COL24A1: variants seen among roughly 807,000 people sequenced by gnomAD.
COL24A1 encodes collagen type XXIV alpha 1 chain, also known as collagen alpha-1(XXIV) chain.
Under a neutral mutation model 253.9 loss-of-function variants are expected in COL24A1, and 224 were observed. The ratio of observed to expected loss-of-function variants is 0.88; its 90% CI spans 0.79 to 0.99. The LOEUF (loss-of-function observed/expected upper bound fraction) is 0.99, where lower values mean the gene tolerates loss of function less well. Among genes scored for constraint, COL24A1 ranks in the 50% least tolerant of loss-of-function variants. The pLI, the probability that COL24A1 is intolerant of heterozygous loss-of-function variation, is 0.00. For synonymous variants in COL24A1, 685 were observed against 673.7 expected (o/e 1.02, Z -0.26); for missense variants, 2,131 against 2,068.5 (o/e 1.03, Z -0.59).
At chr1:86,095,851 T>A (rs1703855841) in intron 5 of COL24A1, among the ~76,000 whole-genome samples, 1 of 152,090 alleles carries the variant, frequency 6.6e-6, no homozygotes, top group Non-Finnish European at 1.5e-5. Context: ...CCCACTGATC[T>A]GCTAGAGTTT....
At chr1:85,957,687 T>A (rs941009461) in intron 24 of COL24A1, among the ~76,000 whole-genome samples, 1 of 152,216 alleles carries the variant, frequency 6.6e-6, no homozygotes, top group Non-Finnish European at 1.5e-5. Flanking sequence ...ATCTTTCTCA[T>A]TCATATAGAC....
intron 24 of COL24A1, among the ~76,000 whole-genome samples, chr1:85,921,207 T>G (rs550405401): frequency 6.6e-6 from 1 of 152,184 alleles, no homozygotes; most frequent in Non-Finnish European, 1.5e-5. Context: ...AGAATACACC[T>G]GGAAAATCGG....
chr1:85,896,837 A>C (rs1487323273), intron 28 of COL24A1, among the ~76,000 whole-genome samples: 1 of 152,210 alleles, frequency 6.6e-6, no homozygotes, highest in Non-Finnish European at 1.5e-5. Context: ...ACAACAGAAA[A>C]TAATACAGCT....
intron 42 of COL24A1, 77 bp from the exon 43 acceptor site, chr1:85,838,715 G>C: frequency 7.5e-7 from 1 of 1,336,560 alleles, no homozygotes; most frequent in East Asian, 2.3e-5. Flanking sequence ...TAAGATTAGT[G>C]TTGTTTATTC....
chr1:85,983,445 G>C (rs959086438), intron 20 of COL24A1, among the ~76,000 whole-genome samples: 5 of 151,872 alleles, frequency 3.3e-5, no homozygotes, highest in African/African-American at 1.2e-4. Context: ...TTCCTACTTT[G>C]AGGTTTTTAG....
chr1:85,841,824 G>C (rs1676644600), intron 41 of COL24A1, among the ~76,000 whole-genome samples: 1 of 151,974 alleles, frequency 6.6e-6, no homozygotes. Flanking sequence ...CTCTTACAAA[G>C]CTCTACAAAT....
chr1:85,737,848 GC>G (rs5775864), intron 57 of COL24A1, among the ~76,000 whole-genome samples: 60,583 of 152,024 alleles, frequency 0.4, 13,350 homozygotes, highest in South Asian at 0.57. Context: ...ACAGGCGTGA[GC>G]CACTGTGCCC....
At chr1:86,019,394 ATT>A (rs60247166) in intron 18 of COL24A1, among the ~76,000 whole-genome samples, 1,932 of 147,872 alleles carry the variant, frequency 0.013, 51 homozygotes, top group African/African-American at 0.045. Context: ...GGTTTCTACA[ATT>A]TTTTTTTTTT....
intron 7 of COL24A1, among the ~76,000 whole-genome samples, chr1:86,067,398 A>C (rs1437905616): frequency 1.3e-5 from 2 of 152,190 alleles, no homozygotes; most frequent in East Asian, 1.9e-4. Flanking sequence ...GAAAAAGCTT[A>C]AGCTTAATTT....
intron 40 of COL24A1, 47 bp from the exon 41 acceptor site, chr1:85,842,168 A>G: frequency 1.3e-6 from 2 of 1,560,006 alleles, no homozygotes; most frequent in Non-Finnish European, 1.8e-6. Context: ...CCTAGATATT[A>G]GATATTGCAT....
intron 19 of COL24A1, among the ~76,000 whole-genome samples, chr1:85,989,387 T>A (rs1694019395): frequency 6.6e-6 from 1 of 151,840 alleles, no homozygotes; most frequent in Non-Finnish European, 1.5e-5. Flanking sequence ...ACCACGACCA[T>A]CTTCCAATCA....
intron 10 of COL24A1, among the ~76,000 whole-genome samples, chr1:86,055,870 C>T (rs961819313): frequency 2.0e-5 from 3 of 152,090 alleles, no homozygotes; most frequent in African/African-American, 7.2e-5. Flanking sequence ...CACCTGTAAT[C>T]CCAGCACTTT....
At position 86,125,702 on chromosome 1, in the gene COL24A1, AATT is replaced by A; in HGVS notation, c.631_633del (p.Asn211del). ...CATACTATTCCTTCAAAATGGATAG[AATT>A]ATTATTCATACTTCCTAAAGTAAAC... On this transcript the variant is annotated inframe_deletion, in exon 3 of 60. Transcript: ENST00000370571. The A allele has an allele frequency of 6.2e-7, 1 of 1,610,684 alleles. No individual in the cohort carries two copies. Among genetic ancestry groups the A allele is most frequent in the Non-Finnish European group, 8.5e-7 (1 of 1,177,924 alleles).
chr1:85,849,466 T>C (rs1459788695), intron 37 of COL24A1, 60 bp from the exon 38 acceptor site: 4 of 1,228,014 alleles, frequency 3.3e-6, no homozygotes, highest in East Asian at 2.4e-5. Context: ...GATGGAGTAT[T>C]TGAATACTTC....
At chr1:85,948,227 A>T (rs1448805912) in intron 24 of COL24A1, among the ~76,000 whole-genome samples, 6 of 152,180 alleles carry the variant, frequency 3.9e-5, no homozygotes, top group Non-Finnish European at 8.8e-5. Context: ...CTTTTTGGTA[A>T]CTAAAGAAAC....
intron 43 of COL24A1, among the ~76,000 whole-genome samples, chr1:85,830,794 G>A (rs573548989): frequency 2.1e-4 from 32 of 152,182 alleles, no homozygotes; most frequent in Middle Eastern, 3.4e-3. Flanking sequence ...CGCACAGTGC[G>A]TGCACCCACT....
intron 5 of COL24A1, among the ~76,000 whole-genome samples, chr1:86,111,775 G>C (rs147934213): frequency 6.6e-6 from 1 of 152,086 alleles, no homozygotes; most frequent in Admixed American, 6.5e-5. Context: ...GCGAGACCAC[G>C]AACCCACCGG....
At chr1:85,953,276 T>C (rs964652145) in intron 24 of COL24A1, among the ~76,000 whole-genome samples, 1 of 152,174 alleles carries the variant, frequency 6.6e-6, no homozygotes, top group East Asian at 1.9e-4. Context: ...TATAGAAAGT[T>C]AGAGCTGCCA....
rs183826892 is a variant in COL24A1, at chr1:85,852,808, G to T, written c.3301-3402C>A. 7.0e-3 allele frequency among the ~76,000 whole-genome samples: 1,064 copies of T among 152,064 alleles called. 12 individuals are homozygous for T. Among genetic ancestry groups the T allele is most frequent in the African/African-American group, 0.024 (1,013 of 41,490 alleles). ...GTGAAAAAGAATGGAACCTATTTTTGTATATTACTTTTATTTATTTATTTA... is the reference window on the plus strand; with the variant it reads ...GTGAAAAAGAATGGAACCTATTTTTTTATATTACTTTTATTTATTTATTTA... On this transcript the variant is annotated intron_variant, in intron 37 of 59. Transcript: ENST00000370571.
Sources: gnomAD v4.1 joint callset for allele counts (sites outside exome capture counted in the v4.1 genomes callset) on GRCh38, gnomAD v4.1.1 for gene constraint, MANE v1.5 for transcripts, NCBI Gene and HGNC (gene_info 2026-07-23, HGNC 2026-07-21) for gene names.